STIM1: variants seen among roughly 807,000 people sequenced by gnomAD.
The protein encoded by STIM1 is stromal interaction molecule 1.
Under a neutral mutation model 74.7 loss-of-function variants are expected in STIM1, and 25 were observed. The ratio of observed to expected loss-of-function variants is 0.33; its 90% CI spans 0.24 to 0.47. STIM1 has a LOEUF of 0.47. STIM1 is among the 20% of genes least tolerant of loss of function. The probability of loss-of-function intolerance (pLI) is 1.00; values close to 1 mark genes in which losing one functional copy is unlikely to be tolerated. For missense variants in STIM1, 728 were observed against 920.8 expected (o/e 0.79, Z 2.71); for synonymous variants, 328 against 348.8 (o/e 0.94, Z 0.66).
At chr11:4,083,586 A>G in intron 10 of STIM1, 88 bp downstream of exon 10, 1 of 1,224,866 alleles carries the variant, frequency 8.2e-7, no homozygotes, top group Admixed American at 2.0e-5. Flanking sequence ...TAAACAGCAG[A>G]TGGGGCAGAT....
chr11:4,020,763 AT>A (rs201369502), intron 2 of STIM1, among the ~76,000 whole-genome samples: 64 of 146,092 alleles, frequency 4.4e-4, no homozygotes, highest in East Asian at 6.0e-4. Context: ...CACCTGGCTA[AT>A]TTTTTTTTTT....
At chr11:3,855,371 G>A (rs1487223569), upstream of STIM1, 1 of 151,964 alleles carries the variant, frequency 6.6e-6, no homozygotes, top group Non-Finnish European at 1.5e-5. Context: ...GTAACTGCGG[G>A]TCAGGGACCC....
At chr11:4,058,870 A>C (rs2920138) in intron 4 of STIM1, 3 of 1,050,248 alleles carry the variant, frequency 2.9e-6, no homozygotes, top group Non-Finnish European at 3.5e-6. Flanking sequence ...TAATTCATAA[A>C]TCCCAGAATC....
chr11:3,890,907 T>C (rs957476234), intron 1 of STIM1, among the ~76,000 whole-genome samples: 3 of 152,118 alleles, frequency 2.0e-5, no homozygotes, highest in African/African-American at 7.2e-5. Context: ...TGAAATACTG[T>C]TTATGTACAA....
chr11:4,064,932 AT>A (rs1247472962), intron 5 of STIM1, among the ~76,000 whole-genome samples: 1 of 152,212 alleles, frequency 6.6e-6, no homozygotes, highest in Non-Finnish European at 1.5e-5. Flanking sequence ...TTCTACTTCC[AT>A]TAGAGGAAAC....
In STIM1 at chr11:4,030,006, C is replaced by A. The variant is rs376416147; in HGVS notation, c.385+6019C>A. ...ATTGATGACATTAATTGAGGACTTA[C>A]TGTACTGGAGAGCTAGGAAGCCTTT... On this transcript the variant is annotated intron_variant, in intron 3 of 12. Coordinates refer to ENST00000526596, the MANE Select transcript of STIM1 (RefSeq NM_001382567.1). 4.2e-3 allele frequency among the ~76,000 whole-genome samples: 640 copies of A among 152,244 alleles called. 2 individuals are homozygous for A. The highest frequency in any genetic ancestry group is 0.014 in the African/African-American group (579 of 41,542).
At chr11:3,930,140 G>T (rs993014907) in intron 1 of STIM1, among the ~76,000 whole-genome samples, 1 of 152,034 alleles carries the variant, frequency 6.6e-6, no homozygotes, top group Non-Finnish European at 1.5e-5. Context: ...ATTCCAGTTT[G>T]CCCTGGATGG....
Position 3,855,739 on chromosome 11 carries a change from C to T in STIM1, c.-532C>T, listed in dbSNP as rs1227682110. The stretch of plus-strand genomic sequence containing the variant: ...CACCGCCAGCCGCCTGGGCACGGGA[C>T]TGGGCGGGGGCGCTGACCTCGGCCT... On this transcript the variant is annotated 5_prime_UTR_variant, in exon 1 of 13. Coordinates refer to ENST00000526596, the MANE Select transcript of STIM1 (RefSeq NM_001382567.1). 6.3e-6 allele frequency: 1 copy of T among 157,584 alleles called. No individual in the cohort carries two copies. The highest frequency in any genetic ancestry group is 6.2e-5 in the Admixed American group (1 of 16,224). The allele number at this position is 157,584 out of a possible 1,614,324, so 9.8% of individuals were successfully genotyped here. A position where few individuals can be genotyped will look rare whatever the true frequency, so the allele number is the denominator to read the frequency against.
At chr11:4,048,997 G>C (rs187316425) in intron 3 of STIM1, among the ~76,000 whole-genome samples, 2 of 152,328 alleles carry the variant, frequency 1.3e-5, no homozygotes, top group African/African-American at 4.8e-5. Flanking sequence ...GCCTCCCAAA[G>C]TGCTGGGATT....
At chr11:3,892,559 G>A (rs1258938544) in intron 1 of STIM1, 2 of 1,601,486 alleles carry the variant, frequency 1.2e-6, no homozygotes, top group Non-Finnish European at 1.7e-6. Flanking sequence ...GAAAAACTGG[G>A]AACTGTTTGT....
chr11:3,973,544 C>T lies in STIM1; in HGVS notation c.270+5862C>T, dbSNP rs533528954. 8.0e-4 allele frequency: 172 copies of T among 216,224 alleles called. 1 individual carries two copies. The highest frequency in any genetic ancestry group is 3.6e-3 in the African/African-American group (155 of 42,756). The allele number at this position is 216,224 out of a possible 1,614,324, so 13.4% of individuals were successfully genotyped here. A position where few individuals can be genotyped will look rare whatever the true frequency, so the allele number is the denominator to read the frequency against. ...CCTCCCGAGTAGCTGGGACTACAGG[C>T]GCGCACCACTGCACCTAGCTAATTT... On this transcript the variant is annotated intron_variant, in intron 2 of 12. Transcript: ENST00000526596.
chr11:3,884,781 CAA>C (rs1554953053), intron 1 of STIM1, among the ~76,000 whole-genome samples: 6 of 116,178 alleles, frequency 5.2e-5, no homozygotes, highest in African/African-American at 6.0e-5. Flanking sequence ...GACCCCATCT[CAA>C]AAAAAAAAAA....
chr11:4,006,881 G>C (rs1216085518), intron 2 of STIM1, among the ~76,000 whole-genome samples: 3 of 152,108 alleles, frequency 2.0e-5, no homozygotes, highest in Non-Finnish European at 4.4e-5. Context: ...AAAGGGGAGG[G>C]AAGTGTTATT....
chr11:4,028,439 T>G (rs2094017549), intron 3 of STIM1, among the ~76,000 whole-genome samples: 1 of 150,098 alleles, frequency 6.7e-6, no homozygotes, highest in African/African-American at 2.5e-5. Flanking sequence ...GGTGGAGTCT[T>G]GCTCTGCTGC....
At chr11:4,035,430 G>C (rs2094090931) in intron 3 of STIM1, among the ~76,000 whole-genome samples, 1 of 151,910 alleles carries the variant, frequency 6.6e-6, no homozygotes, top group Non-Finnish European at 1.5e-5. Context: ...TCTAATTTGA[G>C]AGATTCTTTT....
chr11:4,066,945 A>G (rs774999096), intron 5 of STIM1, among the ~76,000 whole-genome samples: 1 of 152,130 alleles, frequency 6.6e-6, no homozygotes, highest in Non-Finnish European at 1.5e-5. Context: ...TGATTCATAG[A>G]CTCACTTAGT....
At chr11:3,937,653 C>G (rs2092951445) in intron 1 of STIM1, among the ~76,000 whole-genome samples, 1 of 151,700 alleles carries the variant, frequency 6.6e-6, no homozygotes, top group Non-Finnish European at 1.5e-5. Flanking sequence ...TTCAATGTCA[C>G]TCTTAGTCCC....
At chr11:3,871,684 G>T (rs1283786012) in intron 1 of STIM1, among the ~76,000 whole-genome samples, 1 of 152,090 alleles carries the variant, frequency 6.6e-6, no homozygotes, top group Non-Finnish European at 1.5e-5. Context: ...TTCCTAGGTT[G>T]GTTCTCTTGA....
chr11:4,082,046 A>G, intron 7 of STIM1, 138 bp from the exon 8 acceptor site: 2 of 976,506 alleles, frequency 2.0e-6, no homozygotes, highest in South Asian at 2.9e-5. Flanking sequence ...TATATAAAAT[A>G]CGGAAAATAA....
Sources: allele counts gnomAD v4.1 joint callset (sites outside exome capture counted in the v4.1 genomes callset), GRCh38; gene constraint gnomAD v4.1.1; transcripts MANE v1.5; gene names NCBI Gene and HGNC (gene_info 2026-07-23, HGNC 2026-07-21).